STEAP4: variants seen among roughly 807,000 people sequenced by gnomAD.
STEAP4 encodes metalloreductase STEAP4.
Under a neutral mutation model 43.6 loss-of-function variants are expected in STEAP4, and 36 were observed. The ratio of observed to expected loss-of-function variants is 0.83; its 90% CI spans 0.63 to 1.09. The LOEUF (loss-of-function observed/expected upper bound fraction) is 1.09. Among genes scored for constraint, STEAP4 ranks in the 50% least tolerant of loss-of-function variants. The pLI is 0.00. For synonymous variants in STEAP4, 191 were observed against 196.7 expected (o/e 0.97, Z 0.24); for missense variants, 495 against 546.5 (o/e 0.91, Z 0.94).
rs148376254 is a variant in STEAP4 at position 88,289,188 on chromosome 7, A to T, written c.-2-4917T>A. Among the ~76,000 whole-genome samples, 804 of 152,220 alleles carry T rather than the reference A, an allele frequency of 5.3e-3. 1 individual carries two copies. Among genetic ancestry groups the T allele is most frequent in the Middle Eastern group, 0.024 (7 of 294 alleles). ...AATTTATAAATATTCGTTGAACTAT[A>T]TTAAAAGGGTGGGATGAAGGGGCTG... On this transcript the variant is annotated intron_variant, in intron 1 of 4. Coordinates refer to ENST00000380079, the MANE Select transcript of STEAP4 (RefSeq NM_024636.4).
intron 1 of STEAP4, among the ~76,000 whole-genome samples, chr7:88,303,374 T>C (rs949383540): frequency 2.6e-5 from 4 of 151,040 alleles, no homozygotes; most frequent in African/African-American, 9.7e-5. Flanking sequence ...TGGGCACTTA[T>C]AATCCCAGCT....
At chr7:88,286,879 T>A (rs1852746112) in intron 1 of STEAP4, among the ~76,000 whole-genome samples, 1 of 151,438 alleles carries the variant, frequency 6.6e-6, no homozygotes, top group Non-Finnish European at 1.5e-5. Flanking sequence ...CCAAGAGTAG[T>A]CCTCCAAACA....
chr7:88,288,076 C>T (rs923900051), intron 1 of STEAP4, among the ~76,000 whole-genome samples: 8 of 152,122 alleles, frequency 5.3e-5, no homozygotes, highest in African/African-American at 1.7e-4. Flanking sequence ...GTGGTTTCAA[C>T]GTTGGGGCAA....
At chr7:88,302,559 G>A (rs1853053456) in intron 1 of STEAP4, among the ~76,000 whole-genome samples, 1 of 152,162 alleles carries the variant, frequency 6.6e-6, no homozygotes, top group East Asian at 1.9e-4. Context: ...AACAATCAGC[G>A]ATGACCATTA....
At chr7:88,300,309 A>G (rs1453230142) in intron 1 of STEAP4, among the ~76,000 whole-genome samples, 1 of 152,140 alleles carries the variant, frequency 6.6e-6, no homozygotes, top group Non-Finnish European at 1.5e-5. Flanking sequence ...CTTGGGTTCA[A>G]GTGATTTTCA....
chr7:88,279,578 C>T lies in STEAP4; in HGVS notation c.1200G>A (p.Val400=), dbSNP rs565059916. ...TLILCTAHTL[V]YGGKRFLSPS... is the part of the protein sequence containing the mutation. ...GGCTGAGGAATCTCTTCCCACCGTA[C>T]ACCAGGGTGTGGGCTGTACACAAGA... Residue 400 remains valine (V), a synonymous_variant, in exon 5 of 5, where the codon GTG becomes GTA. Transcript: ENST00000380079. The T allele has an allele frequency of 6.2e-6, 10 of 1,614,000 alleles. No individual in the cohort carries two copies. Among genetic ancestry groups the T allele is most frequent in the South Asian group, 1.1e-5 (1 of 91,088 alleles).
At chr7:88,302,384 G>A (rs1853050682) in intron 1 of STEAP4, among the ~76,000 whole-genome samples, 1 of 152,222 alleles carries the variant, frequency 6.6e-6, no homozygotes, top group Non-Finnish European at 1.5e-5. Flanking sequence ...GCAGACGAAT[G>A]TGTAGAGAGG....
intron 1 of STEAP4, among the ~76,000 whole-genome samples, chr7:88,303,794 A>G (rs929094705): frequency 2.0e-5 from 3 of 152,244 alleles, no homozygotes; most frequent in Admixed American, 6.5e-5. Flanking sequence ...TAATCTATGT[A>G]GGCCAAGAAT....
intron 1 of STEAP4, among the ~76,000 whole-genome samples, chr7:88,303,747 T>C (rs1201271231): frequency 6.6e-6 from 1 of 152,218 alleles, no homozygotes; most frequent in Non-Finnish European, 1.5e-5. Flanking sequence ...GGATTCATTG[T>C]TTTCTATTCC....
At chr7:88,296,324 T>A (rs139835643) in intron 1 of STEAP4, among the ~76,000 whole-genome samples, 27 of 152,282 alleles carry the variant, frequency 1.8e-4, no homozygotes, top group African/African-American at 6.5e-4. Context: ...CCTCAGACAT[T>A]ATCCCCTCTG....
In STEAP4 at chr7:88,275,108, T is replaced by A. The variant is rs1852493597; in HGVS notation, c.*4290A>T. On this transcript the variant is annotated 3_prime_UTR_variant, in exon 5 of 5. Coordinates refer to ENST00000380079, the MANE Select transcript of STEAP4 (RefSeq NM_024636.4). ...GTCTTATTTATTTATTTATTTATTT[T>A]GAGACGGAGTTTCACTCTTGTCACC... is the stretch of plus-strand genomic sequence containing the variant. 1 of 152,278 alleles carries A rather than the reference T, an allele frequency of 6.6e-6. No individual in the cohort carries two copies. The highest frequency in any genetic ancestry group is 2.1e-4 in the South Asian group (1 of 4,828). The allele number at this position is 152,278 out of a possible 1,614,324, so 9.4% of individuals were successfully genotyped here. A position where few individuals can be genotyped will look rare whatever the true frequency, so the allele number is the denominator to read the frequency against.
Position 88,272,149 on chromosome 7 carries a change from G to A in STEAP4, c.*7249C>T, listed in dbSNP as rs774635057. ...CTAGACATGGTGGCATACACAATAA[G>A]TGTGTAGGAAAAGCCAGAAGTGCCA... On this transcript the variant is annotated 3_prime_UTR_variant, in exon 5 of 5. Coordinates refer to ENST00000380079, the MANE Select transcript of STEAP4 (RefSeq NM_024636.4). 1 of 152,156 alleles carries A rather than the reference G, an allele frequency of 6.6e-6. No homozygotes were observed. The highest frequency in any genetic ancestry group is 2.4e-5 in the African/African-American group (1 of 41,428). 9.4% of individuals were successfully genotyped at this position (152,156 alleles called of 1,614,324 possible).
At chr7:88,300,365 T>C (rs901143941) in intron 1 of STEAP4, among the ~76,000 whole-genome samples, 5 of 152,026 alleles carry the variant, frequency 3.3e-5, no homozygotes, top group African/African-American at 1.2e-4. Context: ...CGTGCCACCA[T>C]GTCCAGCTCA....
chr7:88,282,702 G>C lies in STEAP4; in HGVS notation c.923C>G (p.Thr308Arg). Residue 308 changes from threonine (T) to arginine (R), a missense_variant, in exon 3 of 5, where the codon ACA becomes AGA. By Grantham distance (71) the Thr-to-Arg change is moderately conservative. Transcript: ENST00000380079. Reference protein sequence around the residue: ...LGFAFLHVLYTLVIPIRYYVR... With the variant: ...LGFAFLHVLYRLVIPIRYYVR... ...ATAATATCGAATAGGAATCACAAGT[G>C]TGTAGAGGACATGAAGGAAGGCAAA... is the stretch of plus-strand genomic sequence containing the variant. 1.2e-6 allele frequency: 2 copies of C among 1,614,106 alleles called. No homozygotes were observed. The highest frequency in any genetic ancestry group is 1.7e-6 in the Non-Finnish European group (2 of 1,180,022).
At chr7:88,287,349 C>A (rs1238156509) in intron 1 of STEAP4, among the ~76,000 whole-genome samples, 1 of 152,148 alleles carries the variant, frequency 6.6e-6, no homozygotes, top group African/African-American at 2.4e-5. Flanking sequence ...GAGCAGGTAA[C>A]AACAAAGGCA....
chr7:88,282,179 T>C, intron 3 of STEAP4: 1 of 155,510 alleles, frequency 6.4e-6, no homozygotes, highest in Non-Finnish European at 1.4e-5. Flanking sequence ...GATGGAGTCT[T>C]GCTCTGTCAC....
At chr7:88,283,300 G>A in intron 2 of STEAP4, 132 bp from the exon 3 acceptor site, 2 of 957,476 alleles carry the variant, frequency 2.1e-6, no homozygotes, top group South Asian at 4.3e-5. Flanking sequence ...TAAGGATGTA[G>A]AATTAACATA....
In STEAP4 at chr7:88,284,061, G is replaced by A; in HGVS notation, c.209C>T (p.Ala70Val). Reference sequence around the variant, plus strand: ...GATTATGATGCCAGACTTCTTGGCTGCTTCTGAATAGCTCAAGACTTCTGC... The same window carrying A: ...GATTATGATGCCAGACTTCTTGGCTACTTCTGAATAGCTCAAGACTTCTGC... The part of the protein sequence containing the change: ...SGAEVLSYSE[A>V]AKKSGIIIIA... Residue 70 changes from alanine (A) to valine (V), a missense_variant, in exon 2 of 5, where the codon GCA becomes GTA. Coordinates refer to ENST00000380079, the MANE Select transcript of STEAP4 (RefSeq NM_024636.4). 1 of 1,614,104 alleles carries A rather than the reference G, an allele frequency of 6.2e-7. No individual in the cohort carries two copies.
intron 1 of STEAP4, among the ~76,000 whole-genome samples, chr7:88,285,479 A>T (rs1852715339): frequency 6.6e-6 from 1 of 152,114 alleles, no homozygotes; most frequent in South Asian, 2.1e-4. Flanking sequence ...TAAAATTTTT[A>T]TAAAGCTAAA....
Sources: gnomAD v4.1 joint callset for allele counts (sites outside exome capture counted in the v4.1 genomes callset) on GRCh38, gnomAD v4.1.1 for gene constraint, MANE v1.5 for transcripts, NCBI Gene and HGNC (gene_info 2026-07-23, HGNC 2026-07-21) for gene names.